The following PCNX2 variants were observed in gnomAD, a reference collection of about 807,000 sequenced individuals.
The protein encoded by PCNX2 is pecanex 2.
In PCNX2, 168 loss-of-function variants were observed where a neutral mutation model predicts 223.8. The ratio of observed to expected loss-of-function variants is 0.75; its 90% CI spans 0.66 to 0.85. PCNX2 has a LOEUF of 0.85. PCNX2 is among the 40% of genes least tolerant of loss of function. PCNX2 has a pLI of 0.00. For missense variants in PCNX2, 2,507 were observed against 2,675.5 expected (o/e 0.94, Z 1.39); for synonymous variants, 1,006 against 1,052.6 (o/e 0.96, Z 0.86).
chr1:233,144,755 T>G (rs889354183), intron 19 of PCNX2, among the ~76,000 whole-genome samples: 11 of 152,298 alleles, frequency 7.2e-5, no homozygotes, highest in African/African-American at 2.6e-4. Context: ...TATTGATTTT[T>G]GGGAGTTCTT....
intron 8 of PCNX2, among the ~76,000 whole-genome samples, chr1:233,240,380 A>G (rs1658688260): frequency 6.6e-6 from 1 of 152,192 alleles, no homozygotes; most frequent in Non-Finnish European, 1.5e-5. Flanking sequence ...TAATCATCTA[A>G]AAAGACAGTA....
intron 21 of PCNX2, among the ~76,000 whole-genome samples, chr1:233,110,329 C>A (rs963666542): frequency 6.6e-6 from 1 of 152,056 alleles, no homozygotes; most frequent in African/African-American, 2.4e-5. Flanking sequence ...TCCTCAGAAA[C>A]CATGCAAGCC....
intron 23 of PCNX2, among the ~76,000 whole-genome samples, chr1:233,072,258 G>A (rs1672889701): frequency 1.3e-5 from 2 of 152,152 alleles, no homozygotes. Flanking sequence ...TTGTCTTCCA[G>A]GGTTTTTATA....
chr1:233,131,700 C>T (rs1676514277), intron 21 of PCNX2, among the ~76,000 whole-genome samples: 1 of 152,128 alleles, frequency 6.6e-6, no homozygotes, highest in Non-Finnish European at 1.5e-5. Flanking sequence ...CGACTTGCTG[C>T]CTACTTTCCT....
At chr1:233,296,603 C>G (rs140061239), upstream of PCNX2, among the ~76,000 whole-genome samples, 18 of 152,270 alleles carry the variant, frequency 1.2e-4, no homozygotes, top group East Asian at 3.1e-3. Context: ...TAAAAAGGAG[C>G]TTGTCTTCCT....
the PCNX2 span, among the ~76,000 whole-genome samples, chr1:233,327,300 G>C: frequency 3.9e-5 from 6 of 151,964 alleles, no homozygotes; most frequent in East Asian, 1.2e-3. Context: ...AGACCATGTG[G>C]GCGCGGCTCA....
At chr1:233,170,710 T>C (rs187123118) in intron 17 of PCNX2, among the ~76,000 whole-genome samples, 42 of 152,380 alleles carry the variant, frequency 2.8e-4, no homozygotes, top group Admixed American at 2.7e-3. Context: ...TTTAGGCTTA[T>C]AATTTACCTG....
intron 16 of PCNX2, among the ~76,000 whole-genome samples, chr1:233,178,239 A>T (rs1312829132): frequency 6.6e-6 from 1 of 152,356 alleles, no homozygotes; most frequent in East Asian, 1.9e-4. Flanking sequence ...TACAATTGAC[A>T]CTAAAAATTG....
chr1:233,311,142 T>A, the PCNX2 span, among the ~76,000 whole-genome samples: 1 of 152,250 alleles, frequency 6.6e-6, no homozygotes, highest in South Asian at 2.1e-4. Flanking sequence ...AGATAACATT[T>A]TTTTATTGTG....
At chr1:233,270,031 G>C (rs1270687116) in intron 1 of PCNX2, among the ~76,000 whole-genome samples, 1 of 152,178 alleles carries the variant, frequency 6.6e-6, no homozygotes, top group African/African-American at 2.4e-5. Context: ...AATTAAGAGA[G>C]AGCACCTTTG....
intron 12 of PCNX2, chr1:233,211,609 A>AT (rs1681823744): frequency 1.0e-5 from 2 of 192,106 alleles, no homozygotes; most frequent in Admixed American, 1.3e-4. Flanking sequence ...AAACTGAGAC[A>AT]TAAGGATGAA....
chr1:232,999,490 G>A, intron 30 of PCNX2, 111 bp from the exon 31 acceptor site: 2 of 1,240,342 alleles, frequency 1.6e-6, no homozygotes, highest in Non-Finnish European at 2.1e-6. Context: ...TTTCGCTCTT[G>A]TTGCCCAGGC....
chr1:233,080,988 C>T (rs1673331615), intron 23 of PCNX2, among the ~76,000 whole-genome samples: 1 of 152,190 alleles, frequency 6.6e-6, no homozygotes, highest in Admixed American at 6.5e-5. Context: ...AGTTATTTAA[C>T]ACCCTAGAAA....
At chr1:233,159,422 C>A (rs1359640668) in intron 19 of PCNX2, among the ~76,000 whole-genome samples, 2 of 152,162 alleles carry the variant, frequency 1.3e-5, no homozygotes, top group African/African-American at 4.8e-5. Context: ...GTCCACAAAC[C>A]TTGGTGCCCC....
At chr1:233,209,246 T>C (rs1558346485) in intron 12 of PCNX2, among the ~76,000 whole-genome samples, 1 of 152,240 alleles carries the variant, frequency 6.6e-6, no homozygotes, top group Non-Finnish European at 1.5e-5. Context: ...AAAAGTGTTA[T>C]TTATACTATG....
chr1:233,032,030 G>GTACATTAATAA (rs1265107725), intron 25 of PCNX2: 312 of 983,272 alleles, frequency 3.2e-4, no homozygotes, highest in Admixed American at 6.8e-4. Flanking sequence ...CTGGCTTGCT[G>GTACATTAATAA]TACATTAATA....
intron 1 of PCNX2, among the ~76,000 whole-genome samples, chr1:233,271,266 T>C (rs1481934057): frequency 6.6e-6 from 1 of 152,134 alleles, no homozygotes; most frequent in Non-Finnish European, 1.5e-5. Flanking sequence ...AAAATGAAAA[T>C]TAAAAATTAT....
At chr1:233,130,465 T>TTGTGTGTG (rs55865610) in intron 21 of PCNX2, among the ~76,000 whole-genome samples, 6,062 of 136,340 alleles carry the variant, frequency 0.044, 192 homozygotes, top group South Asian at 0.083. Context: ...CCCCCAACTT[T>TTGTGTGTG]TGTGTGTGTG....
At chr1:233,010,039 T>C (rs1172823207) in intron 28 of PCNX2, among the ~76,000 whole-genome samples, 2 of 146,672 alleles carry the variant, frequency 1.4e-5, no homozygotes, top group Non-Finnish European at 3.0e-5. Flanking sequence ...TTTAATCTCC[T>C]AGGTCAGATA....
Sources: gnomAD v4.1 joint callset for allele counts (sites outside exome capture counted in the v4.1 genomes callset) on GRCh38, gnomAD v4.1.1 for gene constraint, MANE v1.5 for transcripts, NCBI Gene and HGNC (gene_info 2026-07-23, HGNC 2026-07-21) for gene names.